The following ZUP1 variants were observed in gnomAD, a reference collection of about 807,000 sequenced individuals.
ZUP1 encodes zinc finger-containing ubiquitin peptidase 1.
ZUP1 carries 55 observed loss-of-function variants against 68.1 expected under a neutral mutation model. The observed-to-expected ratio is 0.81, with a 90% CI of 0.65 to 1.01. The LOEUF is 1.01. ZUP1 is among the 50% of genes least tolerant of loss of function. The probability of loss-of-function intolerance (pLI) is 0.00; values close to 1 mark genes in which losing one functional copy is unlikely to be tolerated. For missense variants in ZUP1, 684 were observed against 674.9 expected (o/e 1.01, Z -0.15); for synonymous variants, 223 against 221.5 (o/e 1.01, Z -0.06).
intron 2 of ZUP1, among the ~76,000 whole-genome samples, chr6:116,664,428 C>CAA (rs59007786): frequency 1.7e-5 from 2 of 120,134 alleles, no homozygotes; most frequent in Admixed American, 7.9e-5. Flanking sequence ...AAAAGTCCAT[C>CAA]AAAAAAAAAA....
intron 1 of ZUP1, among the ~76,000 whole-genome samples, chr6:116,668,111 T>C (rs1777064418): frequency 6.6e-6 from 1 of 152,248 alleles, no homozygotes; most frequent in South Asian, 2.1e-4. Flanking sequence ...ACAGGAAAAG[T>C]AATGACACTA....
chr6:116,660,719 C>T lies in ZUP1; in HGVS notation c.670+17G>A. ...AGAAATTAAATGATATTTTTATCTT[C>T]AAACATATAAACATACCTTGCTGAA... On this transcript the variant is annotated intron_variant, in intron 3 of 9. Coordinates refer to ENST00000368576, the MANE Select transcript of ZUP1 (RefSeq NM_145062.3). 7.1e-7 allele frequency: 1 copy of T among 1,409,086 alleles called. No individual in the cohort carries two copies. Among genetic ancestry groups the T allele is most frequent in the East Asian group, 2.3e-5 (1 of 43,608 alleles). 87.3% of individuals were successfully genotyped at this position (1,409,086 alleles called of 1,614,324 possible). A position where few individuals can be genotyped will look rare whatever the true frequency, so the allele number is the denominator to read the frequency against.
At position 116,648,350 on chromosome 6, in the gene ZUP1, G is replaced by A. The variant is rs183248415; in HGVS notation, c.1317-740C>T. ...CTTTAAACTACAGCACAGATATCCT[G>A]TTCTTGTTTCTCTTGGCAATAAAAT... On this transcript the variant is annotated intron_variant, in intron 7 of 9. Coordinates refer to ENST00000368576, the MANE Select transcript of ZUP1 (RefSeq NM_145062.3). Among the ~76,000 whole-genome samples the A allele has an allele frequency of 3.4e-3, 511 of 152,252 alleles. 3 individuals are homozygous for A. The highest frequency in any genetic ancestry group is 0.012 in the African/African-American group (479 of 41,540).
intron 5 of ZUP1, among the ~76,000 whole-genome samples, chr6:116,654,443 G>A (rs1776605211): frequency 6.6e-6 from 1 of 151,782 alleles, no homozygotes; most frequent in Admixed American, 6.6e-5. Context: ...TAAATTCTGG[G>A]TGGATTTAAA....
At chr6:116,656,597 A>C in intron 5 of ZUP1, 87 bp downstream of exon 5, 2 of 1,120,982 alleles carry the variant, frequency 1.8e-6, no homozygotes, top group South Asian at 3.2e-5. Flanking sequence ...CAGATTATGA[A>C]AATTAAGCAA....
chr6:116,660,974 A>G, intron 2 of ZUP1, 128 bp from the exon 3 acceptor site: 1 of 563,292 alleles, frequency 1.8e-6, no homozygotes, highest in South Asian at 2.5e-5. Context: ...ATCACGGCTC[A>G]CTGCAGCAAT....
At chr6:116,639,253 G>C (rs1253795058) in intron 9 of ZUP1, among the ~76,000 whole-genome samples, 6 of 152,084 alleles carry the variant, frequency 3.9e-5, no homozygotes, top group Non-Finnish European at 8.8e-5. Context: ...TCCACCTCTG[G>C]GGGCAGGGCA....
intron 5 of ZUP1, among the ~76,000 whole-genome samples, chr6:116,654,909 T>C (rs1776619500): frequency 6.6e-6 from 1 of 152,078 alleles, no homozygotes; most frequent in African/African-American, 2.4e-5. Flanking sequence ...TGAATGTAGA[T>C]TACAAGCACT....
chr6:116,645,583 CAAAAAAAAAAA>C, intron 9 of ZUP1, 120 bp downstream of exon 9: 1 of 426,082 alleles, frequency 2.3e-6, no homozygotes. Context: ...ACCCTGTCTC[CAAAAAAAAAAA>C]AAAAAAAGAA....
chr6:116,655,878 C>G (rs921425223), intron 5 of ZUP1, among the ~76,000 whole-genome samples: 1 of 152,048 alleles, frequency 6.6e-6, no homozygotes, highest in Admixed American at 6.5e-5. Flanking sequence ...TTGTGGCTAT[C>G]GAGAATTTGA....
intron 1 of ZUP1, among the ~76,000 whole-genome samples, chr6:116,667,415 GA>G (rs1777046478): frequency 6.6e-6 from 1 of 151,132 alleles, no homozygotes; most frequent in Non-Finnish European, 1.5e-5. Flanking sequence ...CAATAATAAT[GA>G]ATACAAGTAA....
intron 5 of ZUP1, among the ~76,000 whole-genome samples, chr6:116,656,250 TGTAATTTTTTTTTA>T (rs1776659411): frequency 6.6e-6 from 1 of 152,148 alleles, no homozygotes; most frequent in South Asian, 2.1e-4. Flanking sequence ...CAGCTAATTT[TGTAATTTTTTTTTA>T]GTAGAGATGG....
chr6:116,664,809 G>C (rs953277590), intron 2 of ZUP1, among the ~76,000 whole-genome samples: 39 of 151,452 alleles, frequency 2.6e-4, no homozygotes, highest in African/African-American at 9.0e-4. Context: ...AGATATATCT[G>C]GTTTCTGTAC....
At chr6:116,657,194 G>A (rs1443005554) in intron 4 of ZUP1, among the ~76,000 whole-genome samples, 1 of 152,148 alleles carries the variant, frequency 6.6e-6, no homozygotes, top group Non-Finnish European at 1.5e-5. Context: ...AAGGAAACTT[G>A]TCAGTCCTTG....
In ZUP1 at chr6:116,660,824, A is replaced by G. The variant is rs1318280850; in HGVS notation, c.582T>C (p.Asp194=). ...TACATATGAGCCCACACATAGGACA[A>G]TCATAGAGTGGTTGATCACAGTCTG... ...PLEDCDQPLY[D]CPMCGLICTN... The change falls in exon 3 of 10, where the codon GAT becomes GAC. Residue 194 remains aspartate (D), a synonymous_variant. Coordinates refer to ENST00000368576, the MANE Select transcript of ZUP1 (RefSeq NM_145062.3). 2 of 1,589,942 alleles carry G rather than the reference A, an allele frequency of 1.3e-6. No homozygotes were observed. The highest frequency in any genetic ancestry group is 1.1e-5 in the South Asian group (1 of 86,990).
chr6:116,641,093 G>A (rs1156692825), intron 9 of ZUP1, among the ~76,000 whole-genome samples: 1 of 148,160 alleles, frequency 6.7e-6, no homozygotes, highest in African/African-American at 2.5e-5. Flanking sequence ...AGACAAAGGA[G>A]GCCATTACAT....
chr6:116,664,853 A>G (rs1318958443), intron 2 of ZUP1, among the ~76,000 whole-genome samples: 1 of 151,166 alleles, frequency 6.6e-6, no homozygotes, highest in Non-Finnish European at 1.5e-5. Context: ...CCAAGTTCAC[A>G]AAATATACAC....
At chr6:116,651,347 A>G (rs1776484415) in intron 7 of ZUP1, among the ~76,000 whole-genome samples, 2 of 152,226 alleles carry the variant, frequency 1.3e-5, no homozygotes, top group Non-Finnish European at 2.9e-5. Flanking sequence ...ACAGCTATGA[A>G]AGCATACCAT....
chr6:116,667,205 T>C lies in ZUP1; in HGVS notation c.-13A>G. 2.0e-6 allele frequency: 3 copies of C among 1,519,474 alleles called. No individual in the cohort carries two copies. The highest frequency in any genetic ancestry group is 1.8e-6 in the Non-Finnish European group (2 of 1,134,338). 94.1% of individuals were successfully genotyped at this position (1,519,474 alleles called of 1,614,324 possible). On this transcript the variant is annotated splice_region_variant and 5_prime_UTR_variant, in exon 2 of 10. Coordinates refer to ENST00000368576, the MANE Select transcript of ZUP1 (RefSeq NM_145062.3). ...TACAGGAAAGCATGGTATTGACAAG[T>C]AGCTAGAAAAGAACATAACATTAGG...
Sources: allele counts gnomAD v4.1 joint callset (sites outside exome capture counted in the v4.1 genomes callset), GRCh38; gene constraint gnomAD v4.1.1; transcripts MANE v1.5; gene names NCBI Gene and HGNC (gene_info 2026-07-23, HGNC 2026-07-21).